TRPC5: variants seen among roughly 807,000 people sequenced by gnomAD.
The protein encoded by TRPC5 is short transient receptor potential channel 5.
TRPC5 carries 9 observed loss-of-function variants against 56.5 expected under a neutral mutation model. The observed-to-expected ratio is 0.16, with a 90% CI of 0.10 to 0.28. The LOEUF (loss-of-function observed/expected upper bound fraction) is 0.28, where lower values mean the gene tolerates loss of function less well. Ranked by LOEUF, TRPC5 falls within the 10% of genes least tolerant of loss-of-function variation. TRPC5 has a pLI of 1.00. For synonymous variants in TRPC5, 282 were observed against 278.5 expected, an observed-to-expected ratio of 1.01 and a Z score of -0.13; for missense variants, 469 against 748.9, an observed-to-expected ratio of 0.63 and a Z score of 4.36.
intron 7 of TRPC5, among the ~76,000 whole-genome samples, chrX:111,810,526 C>T (rs926305285): frequency 9.0e-6 from 1 of 111,328 alleles, no homozygotes; most frequent in Non-Finnish European, 1.9e-5. Flanking sequence ...GACTTTCTGG[C>T]ACACAACTCT....
At chrX:112,033,370 A>T (rs942959602) in intron 1 of TRPC5, among the ~76,000 whole-genome samples, 17 of 109,130 alleles carry the variant, frequency 1.6e-4, no homozygotes, top group African/African-American at 4.0e-4. Context: ...AAGTATAATT[A>T]AAAAAATAGA....
chrX:111,860,781 G>T (rs185373995), intron 3 of TRPC5, among the ~76,000 whole-genome samples: 88 of 111,750 alleles, frequency 7.9e-4, no homozygotes, highest in African/African-American at 2.7e-3. Context: ...TAATGTATTA[G>T]ACATTATTTT....
At chrX:111,981,755 G>A (rs992790428) in intron 1 of TRPC5, among the ~76,000 whole-genome samples, 1 of 111,566 alleles carries the variant, frequency 9.0e-6, no homozygotes, top group Non-Finnish European at 1.9e-5. Flanking sequence ...TAATTACCAC[G>A]ATGTAAAGTT....
At chrX:111,831,958 A>G (rs1363526598) in intron 7 of TRPC5, among the ~76,000 whole-genome samples, 2 of 111,971 alleles carry the variant, frequency 1.8e-5, no homozygotes, top group Non-Finnish European at 3.8e-5. Flanking sequence ...TTGTGCCTAT[A>G]CATCAGGGAC....
At chrX:112,026,474 T>C (rs1030930081) in intron 1 of TRPC5, among the ~76,000 whole-genome samples, 2 of 111,855 alleles carry the variant, frequency 1.8e-5, no homozygotes, top group Non-Finnish European at 3.8e-5. Context: ...TAAGTAGAAC[T>C]AAATAAGATA....
At chrX:112,051,319 TTAC>T (rs1229394427) in intron 1 of TRPC5, among the ~76,000 whole-genome samples, 1 of 112,189 alleles carries the variant, frequency 8.9e-6, no homozygotes, top group African/African-American at 3.2e-5. Context: ...CACAGAGGCA[TTAC>T]CACAGCCCTT....
chrX:112,028,588 G>C (rs1055228340), intron 1 of TRPC5, among the ~76,000 whole-genome samples: 2 of 111,490 alleles, frequency 1.8e-5, no homozygotes, highest in Non-Finnish European at 3.8e-5. Context: ...ATCCATGTCC[G>C]TACAAAGGAC....
intron 7 of TRPC5, among the ~76,000 whole-genome samples, chrX:111,813,180 T>C (rs2148566387): frequency 8.9e-6 from 1 of 112,439 alleles, no homozygotes; most frequent in East Asian, 2.8e-4. Flanking sequence ...TACACCACCA[T>C]AGACAGTGGT....
At chrX:111,782,349 C>G in intron 7 of TRPC5, among the ~76,000 whole-genome samples, 1 of 111,873 alleles carries the variant, frequency 8.9e-6, no homozygotes, top group East Asian at 2.8e-4. Flanking sequence ...CATGGCTGTT[C>G]ACTGTAGCAC....
At chrX:111,913,954 A>G (rs926803523) in intron 2 of TRPC5, among the ~76,000 whole-genome samples, 1 of 42,224 alleles carries the variant, frequency 2.4e-5, no homozygotes, top group East Asian at 1.1e-3. Flanking sequence ...AGCAAGACTC[A>G]GTCTCAAAAA....
At chrX:112,033,493 T>C (rs1161184586) in intron 1 of TRPC5, among the ~76,000 whole-genome samples, 2 of 109,057 alleles carry the variant, frequency 1.8e-5, no homozygotes, top group Non-Finnish European at 3.8e-5. Flanking sequence ...GTCTTTTTAC[T>C]CTCTTGATAA....
chrX:112,062,270 G>A (rs1396977092), intron 1 of TRPC5, among the ~76,000 whole-genome samples: 1 of 112,048 alleles, frequency 8.9e-6, no homozygotes, highest in Non-Finnish European at 1.9e-5. Flanking sequence ...CTTTCAGGGT[G>A]TAGAGTAAGG....
At position 111,905,761 on chromosome X, in the gene TRPC5, A is replaced by C. The variant is rs748943933; in HGVS notation, c.900+6530T>G. On this transcript the variant is annotated intron_variant, in intron 3 of 10. Coordinates refer to ENST00000262839, the MANE Select transcript of TRPC5 (RefSeq NM_012471.3). The stretch of plus-strand genomic sequence containing the variant: ...AACCCCGTCTCTACTAAAAATACAA[A>C]AAAATTAGCTGGGCGTGGTGGCGGG... Among the ~76,000 whole-genome samples the C allele has an allele frequency of 2.7e-5, 3 of 109,590 alleles. 1 individual carries two copies. In the South Asian group the frequency reaches 1.2e-3, roughly 44 times the overall value.
chrX:112,075,507 C>T (rs949477476), intron 1 of TRPC5, among the ~76,000 whole-genome samples: 3 of 112,232 alleles, frequency 2.7e-5, no homozygotes, highest in Non-Finnish European at 5.6e-5. Flanking sequence ...TGTCAACACC[C>T]TTATCCCCAG....
chrX:111,967,498 C>A (rs1603122415), intron 1 of TRPC5, among the ~76,000 whole-genome samples: 1 of 111,722 alleles, frequency 9.0e-6, no homozygotes, highest in Admixed American at 9.5e-5. Context: ...TTCATAGCGA[C>A]CAAAAAAGAG....
intron 2 of TRPC5, among the ~76,000 whole-genome samples, chrX:111,943,278 T>C (rs1381767829): frequency 2.7e-5 from 3 of 111,937 alleles, no homozygotes; most frequent in African/African-American, 3.2e-5. Context: ...TATAATTTTC[T>C]CCTTGAATTT....
chrX:112,058,194 G>C (rs937730092), intron 1 of TRPC5, among the ~76,000 whole-genome samples: 3 of 111,767 alleles, frequency 2.7e-5, no homozygotes, highest in Non-Finnish European at 5.6e-5. Flanking sequence ...CTTGGAGCTC[G>C]TCACCTAGGC....
chrX:111,902,154 C>G lies in TRPC5; in HGVS notation c.900+10137G>C, dbSNP rs955360646. 4.4e-6 allele frequency: 5 copies of G among 1,142,154 alleles called. No homozygotes were observed. In the African/African-American group the frequency reaches 9.0e-5, roughly 21 times the overall value. 94.1% of individuals were successfully genotyped at this position (1,142,154 alleles called of 1,213,427 possible). ...GATAACTTATATGAAGATACAGTCT[C>G]TGGTATAAATGATGACTTAACAGGT... On this transcript the variant is annotated intron_variant, in intron 3 of 10. Coordinates refer to ENST00000262839, the MANE Select transcript of TRPC5 (RefSeq NM_012471.3).
intron 6 of TRPC5, among the ~76,000 whole-genome samples, chrX:111,835,734 C>G (rs1266282727): frequency 8.9e-6 from 1 of 111,983 alleles, no homozygotes; most frequent in Non-Finnish European, 1.9e-5. Flanking sequence ...GGGTTAGGAT[C>G]TCAGTTCTGG....
Sources: gnomAD v4.1 joint callset for allele counts (sites outside exome capture counted in the v4.1 genomes callset) on GRCh38, gnomAD v4.1.1 for gene constraint, MANE v1.5 for transcripts, NCBI Gene and HGNC (gene_info 2026-07-23, HGNC 2026-07-21) for gene names.